The following PBX3 variants were observed in gnomAD, a reference collection of about 807,000 sequenced individuals.
PBX3 encodes PBX homeobox 3.
Under a neutral mutation model 48.5 loss-of-function variants are expected in PBX3, and 14 were observed. That is an observed-to-expected ratio of 0.29 (90% CI 0.19 to 0.45). The LOEUF (loss-of-function observed/expected upper bound fraction) is 0.45. Among genes scored for constraint, PBX3 ranks in the 20% least tolerant of loss-of-function variants. PBX3 has a pLI of 1.00. For missense variants in PBX3, 386 were observed against 546.7 expected, an observed-to-expected ratio of 0.71 and a Z score of 2.93; for synonymous variants, 210 against 200.3, an observed-to-expected ratio of 1.05 and a Z score of -0.41.
rs1442947029 is a variant in PBX3, at chr9:125,788,072, G to T, written c.274+39449G>T. ...TGAATCTTGTGCCAACATTTTAAAT[G>T]AATGTGACAATTATTAATATTAGTT... is the stretch of plus-strand genomic sequence containing the variant. On this transcript the variant is annotated intron_variant, in intron 2 of 8. Coordinates refer to ENST00000373489, the MANE Select transcript of PBX3 (RefSeq NM_006195.6). Among the ~76,000 whole-genome samples, 5 of 152,306 alleles carry T rather than the reference G, an allele frequency of 3.3e-5. No individual in the cohort carries two copies. In the East Asian group the frequency reaches 7.7e-4, roughly 23 times the overall value.
chr9:125,770,971 C>T (rs1439732247), intron 2 of PBX3, among the ~76,000 whole-genome samples: 1 of 152,148 alleles, frequency 6.6e-6, no homozygotes, highest in Non-Finnish European at 1.5e-5. Context: ...ATACCAGCCT[C>T]ACATTTGAAT....
chr9:125,780,618 C>T (rs1368540150), intron 2 of PBX3, among the ~76,000 whole-genome samples: 34 of 121,006 alleles, frequency 2.8e-4, no homozygotes, highest in East Asian at 1.3e-3. Context: ...ACCTCCCGGA[C>T]GGGGCGGCTG....
chr9:125,780,422 C>T (rs1326390749), intron 2 of PBX3, among the ~76,000 whole-genome samples: 2 of 123,334 alleles, frequency 1.6e-5, no homozygotes. Context: ...GCTGACCCCC[C>T]CCCCACCTCC....
At chr9:125,896,227 A>T (rs1034742004) in intron 2 of PBX3, among the ~76,000 whole-genome samples, 3 of 152,088 alleles carry the variant, frequency 2.0e-5, no homozygotes, top group Non-Finnish European at 2.9e-5. Context: ...GTAAGCAGAG[A>T]GATTCCTCTG....
At chr9:125,896,032 C>T (rs1039544266) in intron 2 of PBX3, among the ~76,000 whole-genome samples, 1 of 152,064 alleles carries the variant, frequency 6.6e-6, no homozygotes, top group Non-Finnish European at 1.5e-5. Flanking sequence ...CTGCAAAATA[C>T]TCACTTATTC....
rs1842550384 is a variant in PBX3, at chr9:125,967,120, G to C, written c.*1197G>C. The stretch of plus-strand genomic sequence containing the variant: ...AAAAAAAAAAGCAGCGACTAATTGT[G>C]ATGCATTCAGATTTCAGTATTCAGT... On this transcript the variant is annotated 3_prime_UTR_variant, in exon 9 of 9. Coordinates refer to ENST00000373489, the MANE Select transcript of PBX3 (RefSeq NM_006195.6). 1 of 149,214 alleles carries C rather than the reference G, an allele frequency of 6.7e-6. No individual in the cohort carries two copies. Among genetic ancestry groups the C allele is most frequent in the Non-Finnish European group, 1.5e-5 (1 of 67,556 alleles). The allele number at this position is 149,214 out of a possible 1,614,324, so 9.2% of individuals were successfully genotyped here.
chr9:125,805,911 G>A (rs1838111476), intron 2 of PBX3, among the ~76,000 whole-genome samples: 1 of 152,170 alleles, frequency 6.6e-6, no homozygotes, highest in African/African-American at 2.4e-5. Flanking sequence ...GAAGGAAACA[G>A]ATAAAATTTC....
At chr9:125,817,838 G>T (rs942632957) in intron 2 of PBX3, among the ~76,000 whole-genome samples, 12 of 152,160 alleles carry the variant, frequency 7.9e-5, no homozygotes, top group Admixed American at 4.6e-4. Context: ...GGAATTCCTT[G>T]GAGATAAATT....
rs762325729 is a variant in PBX3 at position 125,967,264 on chromosome 9, A to T, written c.*1341A>T. ...TTTGTGGCGGTGATTCTAATGTATT[A>T]AAAACGTTTCGTGTTCCTTTCTAAC... On this transcript the variant is annotated 3_prime_UTR_variant, in exon 9 of 9. Coordinates refer to ENST00000373489, the MANE Select transcript of PBX3 (RefSeq NM_006195.6). 6.5e-6 allele frequency: 1 copy of T among 152,782 alleles called. No individual in the cohort carries two copies. The highest frequency in any genetic ancestry group is 1.9e-4 in the East Asian group (1 of 5,188). 9.5% of individuals were successfully genotyped at this position (152,782 alleles called of 1,614,324 possible). A position where few individuals can be genotyped will look rare whatever the true frequency, so the allele number is the denominator to read the frequency against.
At position 125,871,688 on chromosome 9, in the gene PBX3, A is replaced by G. The variant is rs979253825; in HGVS notation, c.275-43998A>G. On this transcript the variant is annotated intron_variant, in intron 2 of 8. Transcript: ENST00000373489. Reference sequence around the variant, plus strand: ...ACTGATAAATCTTTGTATTGATTATAGGTTACAATGATAATATTTCCAATA... The same window carrying G: ...ACTGATAAATCTTTGTATTGATTATGGGTTACAATGATAATATTTCCAATA... 5.3e-5 allele frequency among the ~76,000 whole-genome samples: 8 copies of G among 152,358 alleles called. No individual in the cohort carries two copies. In the South Asian group the frequency reaches 1.7e-3, roughly 32 times the overall value.
rs1337861124 is a variant in PBX3, at chr9:125,844,247, GC to G, written c.275-71438del. On this transcript the variant is annotated intron_variant, in intron 2 of 8. Transcript: ENST00000373489. ...CACATTGAACTTGAAGAGAGTTAACGCTGGCAACAAGCTCCATAAGTGACTG... is the reference window on the plus strand; with the variant it reads ...CACATTGAACTTGAAGAGAGTTAACGTGGCAACAAGCTCCATAAGTGACTG... 1.7e-4 allele frequency among the ~76,000 whole-genome samples: 25 copies of G among 148,736 alleles called. No individual in the cohort carries two copies. The South Asian group carries it at 5.3e-3, about 32-fold the overall frequency.
chr9:125,765,013 A>G (rs1444467461), intron 2 of PBX3, among the ~76,000 whole-genome samples: 2 of 152,134 alleles, frequency 1.3e-5, no homozygotes, highest in Non-Finnish European at 2.9e-5. Context: ...TAAAAGCCTT[A>G]TTTTTAATTT....
At position 125,780,919 on chromosome 9, in the gene PBX3, G is replaced by T. The variant is rs1173084070; in HGVS notation, c.274+32296G>T. Among the ~76,000 whole-genome samples, 9 of 130,518 alleles carry T rather than the reference G, an allele frequency of 6.9e-5. No individual in the cohort carries two copies. In the South Asian group the frequency reaches 2.1e-3, roughly 30 times the overall value. The allele number at this position is 130,518 out of a possible 152,430, so 85.6% of individuals were successfully genotyped here. ...GCGGAGGGTCTCCTCACTTCTCAGA[G>T]GGGGCAGCTGGGCAGAGACGCTCCT... On this transcript the variant is annotated intron_variant, in intron 2 of 8. Transcript: ENST00000373489.
intron 5 of PBX3, among the ~76,000 whole-genome samples, chr9:125,958,496 A>C (rs1376634571): frequency 6.6e-6 from 1 of 152,240 alleles, no homozygotes. Flanking sequence ...TGTTGGAAGT[A>C]GGACCAATAT....
chr9:125,747,699 G>C (rs765052166), intron 1 of PBX3, 46 bp downstream of exon 1: 3 of 1,440,344 alleles, frequency 2.1e-6, no homozygotes, highest in South Asian at 2.7e-5. Context: ...TGCGGGAGCC[G>C]GGCCCGCGGC....
At chr9:125,930,914 T>C (rs889138573) in intron 4 of PBX3, among the ~76,000 whole-genome samples, 2 of 152,226 alleles carry the variant, frequency 1.3e-5, no homozygotes, top group African/African-American at 4.8e-5. Flanking sequence ...TATACACTCC[T>C]TAACCTGACA....
chr9:125,809,555 A>T (rs76103579), intron 2 of PBX3, among the ~76,000 whole-genome samples: 5,416 of 152,180 alleles, frequency 0.036, 335 homozygotes, highest in African/African-American at 0.12. Flanking sequence ...AAGTGTAAAG[A>T]CAATTACCAT....
intron 5 of PBX3, among the ~76,000 whole-genome samples, chr9:125,953,877 T>C (rs1457429774): frequency 1.0e-5 from 1 of 96,174 alleles, no homozygotes; most frequent in African/African-American, 2.6e-5. Flanking sequence ...CTCTGCAAAC[T>C]TGGGGGGACG....
At chr9:125,900,606 C>T (rs1302514145) in intron 2 of PBX3, among the ~76,000 whole-genome samples, 2 of 151,820 alleles carry the variant, frequency 1.3e-5, no homozygotes, top group Admixed American at 6.6e-5. Flanking sequence ...CACAGTGTAG[C>T]CTCTACAGGC....
Sources: allele counts gnomAD v4.1 joint callset (sites outside exome capture counted in the v4.1 genomes callset), GRCh38; gene constraint gnomAD v4.1.1; transcripts MANE v1.5; gene names NCBI Gene and HGNC (gene_info 2026-07-23, HGNC 2026-07-21).